The following TMEM181 variants were observed in gnomAD, a reference collection of about 807,000 sequenced individuals.
TMEM181 encodes the protein transmembrane protein 181.
A neutral mutation model predicts 71.9 loss-of-function variants in TMEM181; 39 were observed. That is an observed-to-expected ratio of 0.54 (90% confidence interval 0.42 to 0.71). The LOEUF is 0.71. TMEM181 is among the 30% of genes least tolerant of loss of function. TMEM181 has a pLI of 0.00. For missense variants in TMEM181, 595 were observed against 583.0 expected (o/e 1.02, Z -0.21); for synonymous variants, 245 against 228.8 (o/e 1.07, Z -0.64).
In TMEM181 at chr6:158,585,364, G is replaced by C. The variant is rs749191902; in HGVS notation, c.320G>C (p.Gly107Ala). Residue 107 changes from glycine to alanine, a missense_variant, in exon 5 of 17, where the codon GGA becomes GCA. Transcript: ENST00000684151. ...AAAGTCGATGGTGTAGCTCAAGATG[G>C]AACCACGATGTACATTCATAACAAA... ...TVKVDGVAQDGTTMYIHNKVH... is the reference protein window; with the variant it reads ...TVKVDGVAQDATTMYIHNKVH... 4.3e-6 allele frequency: 7 copies of C among 1,612,368 alleles called. No individual in the cohort carries two copies. The East Asian group carries it at 1.3e-4, about 31-fold the overall frequency.
intron 10 of TMEM181, chr6:158,611,110 G>C (rs1785278233): frequency 2.0e-6 from 1 of 510,580 alleles, no homozygotes; most frequent in Non-Finnish European, 4.0e-6. Context: ...GGTCCCCAAG[G>C]GGCTCCTCAG....
At chr6:158,578,236 A>AGT (rs1783273403) in intron 2 of TMEM181, among the ~76,000 whole-genome samples, 1 of 152,226 alleles carries the variant, frequency 6.6e-6, no homozygotes, top group African/African-American at 2.4e-5. Flanking sequence ...GTATTGCTGA[A>AGT]GTGAGTCCTG....
Position 158,632,613 on chromosome 6 carries a change from A to T in TMEM181, c.*725A>T, listed in dbSNP as rs1257475522. ...CTCATGTGGGGAAGGTCTTACTGCCATGGTGCTTTTCAGGGGCCTGTGTGT... is the reference window on the plus strand; with the variant it reads ...CTCATGTGGGGAAGGTCTTACTGCCTTGGTGCTTTTCAGGGGCCTGTGTGT... On this transcript the variant is annotated 3_prime_UTR_variant, in exon 17 of 17. Coordinates refer to ENST00000684151, the MANE Select transcript of TMEM181 (RefSeq NM_001376852.1). 1 of 152,430 alleles carries T rather than the reference A, an allele frequency of 6.6e-6. No homozygotes were observed. The highest frequency in any genetic ancestry group is 2.4e-5 in the African/African-American group (1 of 41,460). The allele number at this position is 152,430 out of a possible 1,614,324, so 9.4% of individuals were successfully genotyped here.
intron 7 of TMEM181, among the ~76,000 whole-genome samples, 180 bp downstream of exon 7, chr6:158,605,527 A>G (rs1784905713): frequency 6.6e-6 from 1 of 152,110 alleles, no homozygotes; most frequent in Non-Finnish European, 1.5e-5. Flanking sequence ...TGCAAGAAAA[A>G]ATGATGTGGT....
intron 6 of TMEM181, among the ~76,000 whole-genome samples, chr6:158,601,873 C>T (rs1784689184): frequency 6.6e-6 from 1 of 152,070 alleles, no homozygotes; most frequent in Non-Finnish European, 1.5e-5. Flanking sequence ...GTCATTTGCC[C>T]AACTATTAAT....
intron 6 of TMEM181, among the ~76,000 whole-genome samples, chr6:158,604,656 A>G (rs1262701376): frequency 6.6e-6 from 1 of 152,188 alleles, no homozygotes; most frequent in Non-Finnish European, 1.5e-5. Flanking sequence ...TTTCACATTC[A>G]TACTTAAAGG....
In TMEM181 at chr6:158,605,346, CTG is replaced by C; in HGVS notation, c.573+2_573+3del. 1 of 1,613,866 alleles carries C rather than the reference CTG, an allele frequency of 6.2e-7. No individual in the cohort carries two copies. Among genetic ancestry groups the C allele is most frequent in the Non-Finnish European group, 8.5e-7 (1 of 1,179,908 alleles). The stretch of plus-strand genomic sequence containing the variant: ...TTTGTGGTGCTCACCTTCATCGTCA[CTG>C]TGAGTACCATTCGCCTGATGGACCG... On this transcript the variant is annotated splice_donor_variant and coding_sequence_variant, in exon 7 of 17. Transcript: ENST00000684151. LOFTEE classifies it high-confidence loss of function.
intron 1 of TMEM181, among the ~76,000 whole-genome samples, chr6:158,547,584 C>A (rs561674225): frequency 3.3e-5 from 5 of 152,230 alleles, no homozygotes; most frequent in African/African-American, 4.8e-5. Context: ...GGTCTCCCCC[C>A]TCAGCTGGGG....
intron 13 of TMEM181, among the ~76,000 whole-genome samples, chr6:158,627,542 C>T (rs1786388485): frequency 1.3e-5 from 2 of 152,204 alleles, no homozygotes; most frequent in African/African-American, 4.8e-5. Context: ...GGAGAGGCGA[C>T]ATTTGGCTGA....
At chr6:158,597,939 C>T (rs1784468397) in intron 6 of TMEM181, among the ~76,000 whole-genome samples, 1 of 152,186 alleles carries the variant, frequency 6.6e-6, no homozygotes, top group African/African-American at 2.4e-5. Flanking sequence ...TTGGAGGGGA[C>T]AGATTCCAAC....
intron 1 of TMEM181, among the ~76,000 whole-genome samples, chr6:158,543,204 G>C (rs1235860006): frequency 2.0e-5 from 3 of 152,000 alleles, no homozygotes; most frequent in African/African-American, 7.2e-5. Context: ...GCCACGTCTC[G>C]CTCTGAATTG....
intron 5 of TMEM181, 151 bp downstream of exon 5, chr6:158,585,576 G>T: frequency 5.7e-6 from 6 of 1,057,374 alleles, no homozygotes; most frequent in Non-Finnish European, 7.6e-6. Flanking sequence ...AAGATGGCAT[G>T]AAAAAACTTA....
chr6:158,536,955 G>A lies in TMEM181; in HGVS notation c.131+90G>A. ...CCCGGCGCGCCCCGGCCTTGGCCTG[G>A]TCCCGCCGACGGCCGCCTCCGCCGG... On this transcript the variant is annotated intron_variant, in intron 1 of 16. Transcript: ENST00000367090. 2 of 1,056,692 alleles carry A rather than the reference G, an allele frequency of 1.9e-6. 1 individual carries two copies. Among genetic ancestry groups the A allele is most frequent in the South Asian group, 9.3e-5 (2 of 21,502 alleles). The allele number at this position is 1,056,692 out of a possible 1,614,324, so 65.5% of individuals were successfully genotyped here. A position where few individuals can be genotyped will look rare whatever the true frequency, so the allele number is the denominator to read the frequency against.
chr6:158,549,354 T>TC (rs935855931), intron 1 of TMEM181, among the ~76,000 whole-genome samples: 2 of 152,162 alleles, frequency 1.3e-5, no homozygotes, highest in African/African-American at 4.8e-5. Context: ...GACGTCGTGA[T>TC]CCACCCGCCT....
At chr6:158,625,872 T>C in intron 13 of TMEM181, 118 bp downstream of exon 13, 1 of 924,900 alleles carries the variant, frequency 1.1e-6, no homozygotes, top group Non-Finnish European at 1.7e-6. Context: ...AGTAGACTCA[T>C]GAGGTTAGAG....
chr6:158,556,788 A>G (rs1781904603), upstream of TMEM181, among the ~76,000 whole-genome samples: 1 of 151,376 alleles, frequency 6.6e-6, no homozygotes, highest in South Asian at 2.1e-4. Context: ...TTTGAGATGG[A>G]GTCTCGCTCT....
intron 2 of TMEM181, among the ~76,000 whole-genome samples, chr6:158,580,100 G>T (rs750131511): frequency 2.6e-5 from 4 of 152,212 alleles, no homozygotes; most frequent in Admixed American, 2.0e-4. Context: ...GGAGGCTGAG[G>T]TGGGCGGATC....
upstream of TMEM181, among the ~76,000 whole-genome samples, chr6:158,557,091 T>G (rs1285392358): frequency 6.6e-6 from 1 of 152,174 alleles, no homozygotes; most frequent in East Asian, 1.9e-4. Context: ...TCACAGTAGC[T>G]TATCTCCAAA....
At chr6:158,563,041 C>G (rs529710995) in intron 1 of TMEM181, among the ~76,000 whole-genome samples, 1 of 152,378 alleles carries the variant, frequency 6.6e-6, no homozygotes, top group East Asian at 1.9e-4. Flanking sequence ...GCTGACAGTT[C>G]ATGGTTACTT....
Sources: allele counts gnomAD v4.1 joint callset (sites outside exome capture counted in the v4.1 genomes callset), GRCh38; gene constraint gnomAD v4.1.1; transcripts MANE v1.5; gene names NCBI Gene and HGNC (gene_info 2026-07-23, HGNC 2026-07-21).